The following GMDS variants were observed in gnomAD, a reference collection of about 807,000 sequenced individuals.
The protein encoded by GMDS is GDP-mannose 4,6-dehydratase.
A neutral mutation model predicts 49.9 loss-of-function variants in GMDS; 20 were observed. The observed-to-expected ratio is 0.40, with a 90% confidence interval of 0.28 to 0.58. The LOEUF is 0.58. Ranked by LOEUF, GMDS falls within the 20% of genes least tolerant of loss-of-function variation. The probability of loss-of-function intolerance (pLI) is 0.42; values close to 1 mark genes in which losing one functional copy is unlikely to be tolerated. For synonymous variants in GMDS, 177 were observed against 178.6 expected (o/e 0.99, Z 0.07); for missense variants, 362 against 481.4 (o/e 0.75, Z 2.32).
At chr6:2,111,252 C>T (rs1455587934) in intron 4 of GMDS, among the ~76,000 whole-genome samples, 1 of 152,226 alleles carries the variant, frequency 6.6e-6, no homozygotes, top group Non-Finnish European at 1.5e-5. Context: ...AACATTTTCT[C>T]CATCAAATGG....
At chr6:2,240,770 C>T (rs1781579342) in intron 1 of GMDS, among the ~76,000 whole-genome samples, 1 of 152,150 alleles carries the variant, frequency 6.6e-6, no homozygotes, top group African/African-American at 2.4e-5. Flanking sequence ...TTATAACTAT[C>T]ACCATCATCA....
chr6:1,721,128 A>C (rs996890189), intron 9 of GMDS, among the ~76,000 whole-genome samples: 1 of 152,152 alleles, frequency 6.6e-6, no homozygotes, highest in African/African-American at 2.4e-5. Flanking sequence ...GAGATAGAGC[A>C]AGCAATTATA....
At chr6:2,077,122 AT>A in intron 4 of GMDS, among the ~76,000 whole-genome samples, 1 of 151,790 alleles carries the variant, frequency 6.6e-6, no homozygotes, top group African/African-American at 2.4e-5. Context: ...AACACTACTG[AT>A]TTTTACATGT....
chr6:1,924,939 C>T (rs9501785), intron 7 of GMDS, among the ~76,000 whole-genome samples: 16,434 of 143,580 alleles, frequency 0.11, 950 homozygotes, highest in South Asian at 0.19. Context: ...GCCCGGGCGA[C>T]GGCGAGACTC....
intron 9 of GMDS, among the ~76,000 whole-genome samples, chr6:1,671,051 G>A (rs568659302): frequency 6.6e-6 from 1 of 152,274 alleles, no homozygotes; most frequent in South Asian, 2.1e-4. Context: ...GACTGTGGGG[G>A]CCTTCAGAAG....
At chr6:1,657,853 CA>C (rs757277370) in intron 9 of GMDS, among the ~76,000 whole-genome samples, 4 of 63,360 alleles carry the variant, frequency 6.3e-5, no homozygotes, top group African/African-American at 1.8e-4. Flanking sequence ...AGAACTCAAG[CA>C]AAAAAAAAAA....
chr6:2,149,547 C>T (rs910341906), intron 1 of GMDS, among the ~76,000 whole-genome samples: 3 of 152,172 alleles, frequency 2.0e-5, no homozygotes, highest in Admixed American at 6.5e-5. Context: ...CAGCGTGGAG[C>T]AGAGCAGCTG....
At chr6:2,109,174 G>A (rs1214829608) in intron 4 of GMDS, among the ~76,000 whole-genome samples, 2 of 152,152 alleles carry the variant, frequency 1.3e-5, no homozygotes, top group Non-Finnish European at 2.9e-5. Flanking sequence ...CTGTGAGCAG[G>A]CAGCACACTG....
chr6:2,009,516 C>T (rs1311373845), intron 4 of GMDS, among the ~76,000 whole-genome samples: 1 of 152,124 alleles, frequency 6.6e-6, no homozygotes, highest in Non-Finnish European at 1.5e-5. Context: ...CACAATGCCA[C>T]AAAGATATGC....
chr6:1,967,611 G>A (rs902243477), intron 4 of GMDS, among the ~76,000 whole-genome samples: 13 of 152,190 alleles, frequency 8.5e-5, no homozygotes, highest in African/African-American at 2.4e-4. Flanking sequence ...GAGTGCAGAA[G>A]AAGAATCTTA....
intron 9 of GMDS, among the ~76,000 whole-genome samples, chr6:1,700,870 C>G (rs1478114599): frequency 6.6e-6 from 1 of 152,026 alleles, no homozygotes; most frequent in Non-Finnish European, 1.5e-5. Context: ...ATCCGAGACC[C>G]TAACTGTACT....
chr6:1,693,631 C>A (rs1306516390), intron 9 of GMDS, among the ~76,000 whole-genome samples: 1 of 152,158 alleles, frequency 6.6e-6, no homozygotes, highest in African/African-American at 2.4e-5. Flanking sequence ...GCAAATCTGT[C>A]CCTGTCACTC....
intron 9 of GMDS, among the ~76,000 whole-genome samples, chr6:1,649,159 G>C (rs1763576252): frequency 6.6e-6 from 1 of 152,214 alleles, no homozygotes; most frequent in Non-Finnish European, 1.5e-5. Context: ...CGTTAACCCT[G>C]TCTAGCCACT....
intron 9 of GMDS, among the ~76,000 whole-genome samples, chr6:1,646,341 C>T (rs148744839): frequency 6.6e-6 from 1 of 152,272 alleles, no homozygotes; most frequent in East Asian, 1.9e-4. Context: ...CCACCTAGGG[C>T]TTTTCTGTGA....
chr6:2,202,170 C>A (rs1444142864), intron 1 of GMDS, among the ~76,000 whole-genome samples: 1 of 140,584 alleles, frequency 7.1e-6, no homozygotes. Flanking sequence ...AGAGAGAGCA[C>A]CACATGGACA....
intron 1 of GMDS, among the ~76,000 whole-genome samples, chr6:2,138,826 AT>A (rs1776139412): frequency 6.6e-6 from 1 of 152,182 alleles, no homozygotes; most frequent in South Asian, 2.1e-4. Context: ...TTTCTTGAAA[AT>A]GTCTTAATAT....
At chr6:2,151,262 T>C (rs1370176056) in intron 1 of GMDS, among the ~76,000 whole-genome samples, 1 of 152,016 alleles carries the variant, frequency 6.6e-6, no homozygotes, top group Non-Finnish European at 1.5e-5. Flanking sequence ...TGCATACCTG[T>C]ATCAAAATAT....
intron 4 of GMDS, among the ~76,000 whole-genome samples, chr6:2,065,469 T>G (rs1771511957): frequency 1.3e-5 from 2 of 152,242 alleles, no homozygotes; most frequent in South Asian, 2.1e-4. Context: ...ATCAAATTAC[T>G]CCGAGTTACA....
intron 7 of GMDS, among the ~76,000 whole-genome samples, chr6:1,902,357 C>T (rs1441754309): frequency 1.3e-5 from 2 of 152,150 alleles, no homozygotes; most frequent in Admixed American, 6.5e-5. Context: ...CTTCTAAAAA[C>T]ATAAATTATC....
Sources: allele counts gnomAD v4.1 joint callset (sites outside exome capture counted in the v4.1 genomes callset), GRCh38; gene constraint gnomAD v4.1.1; transcripts MANE v1.5; gene names NCBI Gene and HGNC (gene_info 2026-07-23, HGNC 2026-07-21).